The following PTPRG variants were observed in gnomAD, a reference collection of about 807,000 sequenced individuals.
The protein encoded by PTPRG is protein tyrosine phosphatase receptor type G.
In PTPRG, 102 loss-of-function variants were observed where a neutral mutation model predicts 165.3. That is an observed-to-expected ratio of 0.62 (90% CI 0.53 to 0.73). The LOEUF (loss-of-function observed/expected upper bound fraction) is 0.73, where lower values mean the gene tolerates loss of function less well. Among genes scored for constraint, PTPRG ranks in the 30% least tolerant of loss-of-function variants. The pLI, the probability that PTPRG is intolerant of heterozygous loss-of-function variation, is 0.00. For missense variants in PTPRG, 1,866 were observed against 1,861.4 expected (o/e 1.00, Z -0.05); for synonymous variants, 675 against 669.5 (o/e 1.01, Z -0.13).
At chr3:61,688,858 C>T (rs1201925165) in intron 1 of PTPRG, among the ~76,000 whole-genome samples, 5 of 152,178 alleles carry the variant, frequency 3.3e-5, no homozygotes, top group South Asian at 4.1e-4. Context: ...TTAGATAGGG[C>T]GGCTTGACCT....
intron 2 of PTPRG, among the ~76,000 whole-genome samples, chr3:61,949,604 G>C (rs552286470): frequency 3.6e-4 from 55 of 152,310 alleles, no homozygotes; most frequent in South Asian, 1.2e-3. Flanking sequence ...TTGTAACAGA[G>C]AGGGGTTAAG....
intron 2 of PTPRG, among the ~76,000 whole-genome samples, chr3:61,811,002 T>C (rs910794044): frequency 1.3e-5 from 2 of 152,126 alleles, no homozygotes; most frequent in African/African-American, 4.8e-5. Flanking sequence ...TTAGGGTGAA[T>C]GTGGCAGCCC....
chr3:61,848,683 C>T lies in PTPRG; in HGVS notation c.190+99701C>T, dbSNP rs550967759. ...ACATGGAATATAAAGACTTGCTCTT[C>T]CCTAAATTGCTCAGTATACTATATC... On this transcript the variant is annotated intron_variant, in intron 2 of 29. Coordinates refer to ENST00000474889, the MANE Select transcript of PTPRG (RefSeq NM_002841.4). Among the ~76,000 whole-genome samples the T allele has an allele frequency of 3.5e-4, 54 of 152,272 alleles. No homozygotes were observed. The Middle Eastern group carries it at 0.01, about 29-fold the overall frequency.
intron 4 of PTPRG, among the ~76,000 whole-genome samples, chr3:62,043,857 T>G (rs929142606): frequency 6.6e-6 from 1 of 152,150 alleles, no homozygotes; most frequent in Non-Finnish European, 1.5e-5. Context: ...AAGTTGTCGG[T>G]GGAAGAAAGT....
intron 2 of PTPRG, among the ~76,000 whole-genome samples, chr3:61,889,191 G>A (rs1192832380): frequency 2.6e-5 from 4 of 152,056 alleles, no homozygotes; most frequent in African/African-American, 9.7e-5. Context: ...GTTGCCAAGT[G>A]GTGGTTTTCT....
intron 2 of PTPRG, among the ~76,000 whole-genome samples, chr3:61,756,752 T>G (rs1192998994): frequency 6.6e-6 from 1 of 152,202 alleles, no homozygotes; most frequent in African/African-American, 2.4e-5. Context: ...GATGAAATAC[T>G]GTTTAGTGCT....
chr3:62,187,473 C>T (rs564329783), intron 8 of PTPRG, among the ~76,000 whole-genome samples: 7 of 152,322 alleles, frequency 4.6e-5, no homozygotes, highest in African/African-American at 1.7e-4. Context: ...TATTTTGCAA[C>T]ACATGAAAAT....
chr3:62,063,608 C>T (rs539229667), intron 4 of PTPRG, among the ~76,000 whole-genome samples: 2 of 152,106 alleles, frequency 1.3e-5, no homozygotes, highest in Non-Finnish European at 2.9e-5. Context: ...AGTAGAGCAG[C>T]TGTGTTAAGT....
intron 2 of PTPRG, among the ~76,000 whole-genome samples, chr3:61,869,880 T>C (rs2037514657): frequency 6.6e-6 from 1 of 152,114 alleles, no homozygotes; most frequent in African/African-American, 2.4e-5. Context: ...GGATCACAAG[T>C]GTGAGCCACT....
intron 4 of PTPRG, among the ~76,000 whole-genome samples, chr3:62,029,240 C>T (rs866463526): frequency 2.6e-5 from 4 of 152,118 alleles, no homozygotes; most frequent in African/African-American, 9.7e-5. Context: ...GGACACAGTT[C>T]AGTATCTGAA....
intron 8 of PTPRG, among the ~76,000 whole-genome samples, chr3:62,177,286 C>G (rs1405229712): frequency 1.3e-5 from 2 of 152,004 alleles, no homozygotes; most frequent in Admixed American, 1.3e-4. Context: ...GACCCTGTCT[C>G]AAAACATAAT....
intron 1 of PTPRG, among the ~76,000 whole-genome samples, chr3:61,719,873 C>T (rs1007651510): frequency 1.3e-5 from 2 of 152,106 alleles, no homozygotes; most frequent in East Asian, 1.9e-4. Context: ...TTTCCTGGAA[C>T]GTTCTTTTCT....
chr3:61,673,079 C>T (rs150293099), intron 1 of PTPRG, among the ~76,000 whole-genome samples: 17 of 152,118 alleles, frequency 1.1e-4, no homozygotes, highest in African/African-American at 1.9e-4. Context: ...GTGTATCACT[C>T]GAGCCTGGGA....
intron 2 of PTPRG, among the ~76,000 whole-genome samples, chr3:61,941,022 C>G (rs574378558): frequency 6.6e-6 from 1 of 152,256 alleles, no homozygotes; most frequent in Admixed American, 6.5e-5. Context: ...CATTCTGATC[C>G]CAACAGCAGC....
chr3:61,606,745 C>T (rs1333968455), intron 1 of PTPRG, among the ~76,000 whole-genome samples: 3 of 152,198 alleles, frequency 2.0e-5, no homozygotes, highest in African/African-American at 7.2e-5. Context: ...AGAAAGGCAG[C>T]TTTCCTGGAG....
intron 4 of PTPRG, among the ~76,000 whole-genome samples, chr3:62,040,255 C>A (rs1700082464): frequency 6.6e-6 from 1 of 152,152 alleles, no homozygotes; most frequent in African/African-American, 2.4e-5. Flanking sequence ...ACAATTTCTG[C>A]CCAAATATCA....
At chr3:61,995,899 C>T (rs557549919) in intron 3 of PTPRG, among the ~76,000 whole-genome samples, 18 of 152,110 alleles carry the variant, frequency 1.2e-4, no homozygotes, top group African/African-American at 3.6e-4. Context: ...TCTTTCTCTA[C>T]GGATCTCTCC....
intron 5 of PTPRG, among the ~76,000 whole-genome samples, chr3:62,092,454 A>AG (rs1701975114): frequency 6.6e-6 from 1 of 150,948 alleles, no homozygotes; most frequent in South Asian, 2.1e-4. Flanking sequence ...AAAAAAAAAA[A>AG]AAAAAGAAAA....
intron 6 of PTPRG, among the ~76,000 whole-genome samples, chr3:62,155,004 G>C (rs370813364): frequency 6.6e-6 from 1 of 152,178 alleles, no homozygotes; most frequent in African/African-American, 2.4e-5. Context: ...ACCAGTCCCC[G>C]CCAAGCATGC....
Sources: gnomAD v4.1 joint callset for allele counts (sites outside exome capture counted in the v4.1 genomes callset) on GRCh38, gnomAD v4.1.1 for gene constraint, MANE v1.5 for transcripts, NCBI Gene and HGNC (gene_info 2026-07-23, HGNC 2026-07-21) for gene names.